The following MBOAT1 variants were observed in gnomAD, a reference collection of about 807,000 sequenced individuals.
MBOAT1 encodes the protein membrane-bound glycerophospholipid O-acyltransferase 1.
Under a neutral mutation model 64.4 loss-of-function variants are expected in MBOAT1, and 67 were observed. The ratio of observed to expected loss-of-function variants is 1.04; its 90% CI spans 0.85 to 1.27. MBOAT1 has a LOEUF of 1.27. Ranked by LOEUF, MBOAT1 falls within the 50% of genes most tolerant of loss-of-function variation. The pLI is 0.00. For missense variants in MBOAT1, 563 were observed against 604.6 expected, an observed-to-expected ratio of 0.93 and a Z score of 0.72; for synonymous variants, 229 against 218.9, an observed-to-expected ratio of 1.05 and a Z score of -0.41.
At chr6:20,211,417 G>A (rs1763414044) in intron 1 of MBOAT1, among the ~76,000 whole-genome samples, 1 of 152,208 alleles carries the variant, frequency 6.6e-6, no homozygotes, top group Non-Finnish European at 1.5e-5. Flanking sequence ...AAGGAAATGA[G>A]TAAGACGGGC....
At chr6:20,167,681 C>T (rs1017958268) in intron 1 of MBOAT1, among the ~76,000 whole-genome samples, 3 of 152,182 alleles carry the variant, frequency 2.0e-5, no homozygotes, top group Non-Finnish European at 4.4e-5. Context: ...TGAAGTTAGA[C>T]AGCTTGAGAT....
chr6:20,120,423 C>T (rs993391627), intron 8 of MBOAT1, among the ~76,000 whole-genome samples: 1 of 152,010 alleles, frequency 6.6e-6, no homozygotes. Context: ...ATCATGTAAC[C>T]GCTGGGATGA....
At chr6:20,196,292 A>C (rs1282197353) in intron 1 of MBOAT1, among the ~76,000 whole-genome samples, 1 of 152,240 alleles carries the variant, frequency 6.6e-6, no homozygotes, top group Non-Finnish European at 1.5e-5. Flanking sequence ...ACAGAACATA[A>C]GCACCCAATC....
At chr6:20,191,731 C>T (rs1005875091) in intron 1 of MBOAT1, among the ~76,000 whole-genome samples, 19 of 152,110 alleles carry the variant, frequency 1.2e-4, no homozygotes, top group Non-Finnish European at 2.4e-4. Context: ...ATGTATTTAG[C>T]TCGATATAAT....
At chr6:20,204,440 A>G (rs1307729046) in intron 1 of MBOAT1, among the ~76,000 whole-genome samples, 2 of 152,268 alleles carry the variant, frequency 1.3e-5, no homozygotes, top group East Asian at 3.8e-4. Flanking sequence ...GATGCCTCTC[A>G]GAGTCAGGCA....
Position 20,109,588 on chromosome 6 carries a change from G to A in MBOAT1, c.1361+10C>T, listed in dbSNP as rs759323060. On this transcript the variant is annotated intron_variant, in intron 12 of 12. Coordinates refer to ENST00000324607, the MANE Select transcript of MBOAT1 (RefSeq NM_001080480.3). ...TTACGAGATGGCAACTGAGAACAAC[G>A]GAAACTTACTTGTATAAGCTGATGG... 124 of 1,604,524 alleles carry A rather than the reference G, an allele frequency of 7.7e-5. No homozygotes were observed. Among genetic ancestry groups the A allele is most frequent in the Non-Finnish European group, 9.7e-5 (114 of 1,173,936 alleles).
At chr6:20,116,454 A>T (rs1490650240) in intron 9 of MBOAT1, among the ~76,000 whole-genome samples, 1 of 152,250 alleles carries the variant, frequency 6.6e-6, no homozygotes, top group Non-Finnish European at 1.5e-5. Context: ...CCGTAAGAAA[A>T]TAATATATAG....
Position 20,102,412 on chromosome 6 carries a change from C to G in MBOAT1, c.1362G>C (p.Lys454Asn). Residue 454 changes from lysine (K) to asparagine (N), a missense_variant and splice_region_variant, in exon 13 of 13, where the codon AAG (lysine) becomes AAC (asparagine). By Grantham distance (94) the Lys-to-Asn change is moderately conservative. Transcript: ENST00000324607. ...LAVEPTISLYKSMYFYLHIIS... is the reference protein window; with the variant it reads ...LAVEPTISLYNSMYFYLHIIS... ...TGATGTGCAAATAAAAGTACATGGA[C>G]CTGGGAATAAAAATATACAAAAATT... 6.3e-7 allele frequency: 1 copy of G among 1,596,322 alleles called. No individual in the cohort carries two copies. The highest frequency in any genetic ancestry group is 2.2e-5 in the East Asian group (1 of 44,750).
At chr6:20,189,586 C>T (rs944578102) in intron 1 of MBOAT1, among the ~76,000 whole-genome samples, 8 of 152,162 alleles carry the variant, frequency 5.3e-5, no homozygotes, top group African/African-American at 1.9e-4. Context: ...AAGAATACAA[C>T]ACATTATTAT....
intron 11 of MBOAT1, among the ~76,000 whole-genome samples, chr6:20,110,865 G>A (rs944738822): frequency 6.6e-6 from 1 of 152,122 alleles, no homozygotes; most frequent in Non-Finnish European, 1.5e-5. Flanking sequence ...ACAATTATGT[G>A]ATGTATATCC....
intron 12 of MBOAT1, among the ~76,000 whole-genome samples, chr6:20,106,718 G>A (rs1014770238): frequency 2.0e-5 from 3 of 152,108 alleles, no homozygotes; most frequent in Admixed American, 6.6e-5. Flanking sequence ...CACCGCGCCC[G>A]ACCATCATAG....
rs1337662723 is a variant in MBOAT1, at chr6:20,172,937, G to A, written c.100-20168C>T. Among the ~76,000 whole-genome samples, 2 of 152,264 alleles carry A rather than the reference G, an allele frequency of 1.3e-5. 1 individual carries two copies. The highest frequency in any genetic ancestry group is 4.1e-4 in the South Asian group (2 of 4,826). On this transcript the variant is annotated intron_variant, in intron 1 of 12. Transcript: ENST00000324607. ...GGTGGGAGGTGGCTGGAATATGGCC[G>A]TGGATTTCTCATGAATGGTTTACTG...
At chr6:20,117,478 T>C (rs1760362726) in intron 9 of MBOAT1, among the ~76,000 whole-genome samples, 1 of 152,132 alleles carries the variant, frequency 6.6e-6, no homozygotes, top group African/African-American at 2.4e-5. Context: ...AATTCCACCA[T>C]GTTTTGTAGT....
intron 11 of MBOAT1, among the ~76,000 whole-genome samples, chr6:20,111,849 T>TATATAC (rs1760165379): frequency 1.2e-5 from 1 of 80,230 alleles, no homozygotes; most frequent in Non-Finnish European, 2.6e-5. Context: ...TATATATACA[T>TATATAC]ATATATATAC....
At position 20,136,375 on chromosome 6, in the gene MBOAT1, C is replaced by T. The variant is rs891358159; in HGVS notation, c.420-5176G>A. On this transcript the variant is annotated intron_variant, in intron 4 of 12. Coordinates refer to ENST00000324607, the MANE Select transcript of MBOAT1 (RefSeq NM_001080480.3). Reference sequence around the variant, plus strand: ...TCTCGATTTGAATATTCTCTATATTCGAATATACTTGGTATAACTTATGTC... The same window carrying T: ...TCTCGATTTGAATATTCTCTATATTTGAATATACTTGGTATAACTTATGTC... 3.9e-5 allele frequency among the ~76,000 whole-genome samples: 6 copies of T among 152,090 alleles called. 1 individual carries two copies. The highest frequency in any genetic ancestry group is 1.3e-4 in the Admixed American group (2 of 15,256).
chr6:20,199,828 T>C (rs1451547143), intron 1 of MBOAT1, among the ~76,000 whole-genome samples: 1 of 151,972 alleles, frequency 6.6e-6, no homozygotes, highest in Non-Finnish European at 1.5e-5. Flanking sequence ...ATTAGCCAGG[T>C]GTGGTGGCGG....
chr6:20,116,778 TTAGTCC>T (rs1760331060), intron 9 of MBOAT1, among the ~76,000 whole-genome samples: 1 of 152,208 alleles, frequency 6.6e-6, no homozygotes, highest in Non-Finnish European at 1.5e-5. Flanking sequence ...ACTTAATGAC[TTAGTCC>T]TTTACCCTGA....
intron 1 of MBOAT1, among the ~76,000 whole-genome samples, chr6:20,154,511 C>T (rs1273010458): frequency 6.6e-6 from 1 of 151,760 alleles, no homozygotes; most frequent in African/African-American, 2.4e-5. Context: ...CCAGCCTGGG[C>T]AACAGAGCAA....
intron 12 of MBOAT1, among the ~76,000 whole-genome samples, chr6:20,103,073 T>G (rs1759848805): frequency 6.6e-6 from 1 of 152,238 alleles, no homozygotes; most frequent in Non-Finnish European, 1.5e-5. Flanking sequence ...CATTGTTATT[T>G]TGGCATATAC....
Sources: gnomAD v4.1 joint callset for allele counts (sites outside exome capture counted in the v4.1 genomes callset) on GRCh38, gnomAD v4.1.1 for gene constraint, MANE v1.5 for transcripts, NCBI Gene and HGNC (gene_info 2026-07-23, HGNC 2026-07-21) for gene names.